Variants in NCAN observed in about 807,000 individuals in gnomAD.
NCAN encodes neurocan core protein.
NCAN carries 47 observed loss-of-function variants against 121.8 expected under a neutral mutation model. That is an observed-to-expected ratio of 0.39 (90% confidence interval 0.31 to 0.49). The LOEUF (loss-of-function observed/expected upper bound fraction) is 0.49. Ranked by LOEUF, NCAN falls within the 20% of genes least tolerant of loss-of-function variation. The pLI, the probability that NCAN is intolerant of heterozygous loss-of-function variation, is 0.92. For synonymous variants in NCAN, 633 were observed against 702.0 expected, an observed-to-expected ratio of 0.90 and a Z score of 1.55; for missense variants, 1,517 against 1,773.4, an observed-to-expected ratio of 0.86 and a Z score of 2.60.
chr19:19,216,976 C>T lies in NCAN; in HGVS notation c.23C>T (p.Ala8Val). 4 of 1,312,106 alleles carry T rather than the reference C, an allele frequency of 3.0e-6. No individual in the cohort carries two copies. Among genetic ancestry groups the T allele is most frequent in the Non-Finnish European group, 3.9e-6 (4 of 1,021,196 alleles). The allele number at this position is 1,312,106 out of a possible 1,614,324, so 81.3% of individuals were successfully genotyped here. The change falls in exon 2 of 15, where the codon GCC becomes GTC. Residue 8 changes from alanine (A) to valine (V), a missense_variant. Transcript: ENST00000252575. ...AGGATGGGGGCCCCGTTTGTCTGGG[C>T]CTTGGGCCTTTTGATGCTGCAGATG... MGAPFVWALGLLMLQMLL... is the reference protein window; with the variant it reads MGAPFVWVLGLLMLQMLL...
intron 13 of NCAN, among the ~76,000 whole-genome samples, chr19:19,248,002 G>A (rs552185717): frequency 2.0e-5 from 3 of 152,158 alleles, no homozygotes; most frequent in Admixed American, 6.5e-5. Flanking sequence ...CAAAAAATTA[G>A]CTAGGCTCGG....
At position 19,212,748 on chromosome 19, in the gene NCAN, C is replaced by T. The variant is rs1254188306; in HGVS notation, c.-8+684C>T. ...TGGGTTGAGGTGTTGTCCCTTATCC[C>T]AGGGAACACACTGGGTGTCCCAGGT... On this transcript the variant is annotated intron_variant, in intron 1 of 14. Coordinates refer to ENST00000252575, the MANE Select transcript of NCAN (RefSeq NM_004386.3). This position sits in a 1 kb window ranked among gnomAD's most constrained non-coding sequence, Gnocchi z 4.5. 6.6e-6 allele frequency among the ~76,000 whole-genome samples: 1 copy of T among 152,186 alleles called. No homozygotes were observed. Among genetic ancestry groups the T allele is most frequent in the Non-Finnish European group, 1.5e-5 (1 of 68,016 alleles).
rs1056078867 is a variant in NCAN at position 19,219,602 on chromosome 19, G to A, written c.475+286G>A. Among the ~76,000 whole-genome samples the A allele has an allele frequency of 9.3e-5, 12 of 128,944 alleles. 1 individual carries two copies. In the Admixed American group the frequency reaches 1.2e-3, roughly 13 times the overall value. 84.6% of individuals were successfully genotyped at this position (128,944 alleles called of 152,430 possible). A position where few individuals can be genotyped will look rare whatever the true frequency, so the allele number is the denominator to read the frequency against. ...CCAGCTACTTGGGAGGCATAGGTGG[G>A]AGGATCACTTGAGACTGGGAGGTTG... On this transcript the variant is annotated intron_variant, in intron 3 of 14. Coordinates refer to ENST00000252575, the MANE Select transcript of NCAN (RefSeq NM_004386.3).
At chr19:19,217,181 C>G in intron 2 of NCAN, among the ~76,000 whole-genome samples, 155 bp downstream of exon 2, 1 of 152,190 alleles carries the variant, frequency 6.6e-6, no homozygotes, top group South Asian at 2.1e-4. Flanking sequence ...CAGTCAAAAG[C>G]GAACAGGATA....
chr19:19,249,726 A>G, intron 14 of NCAN, 40 bp from the exon 15 acceptor site: 1 of 1,554,934 alleles, frequency 6.4e-7, no homozygotes, highest in Non-Finnish European at 8.7e-7. Flanking sequence ...GCCTCTCACC[A>G]CCTTTTGTCC....
intron 8 of NCAN, 64 bp downstream of exon 8, chr19:19,228,703 G>T: frequency 6.6e-7 from 1 of 1,509,648 alleles, no homozygotes; most frequent in East Asian, 2.3e-5. Context: ...AGCAGGGGCT[G>T]GGGGATCCCA....
At chr19:19,214,265 C>T (rs2060788072) in intron 1 of NCAN, among the ~76,000 whole-genome samples, 1 of 152,154 alleles carries the variant, frequency 6.6e-6, no homozygotes, top group Non-Finnish European at 1.5e-5. Context: ...TCCGAGCTGC[C>T]CCTCCTCCAG....
At chr19:19,238,204 G>C in intron 10 of NCAN, 49 bp from the exon 11 acceptor site, 1 of 1,611,480 alleles carries the variant, frequency 6.2e-7, no homozygotes, top group Non-Finnish European at 8.5e-7. Flanking sequence ...TGGCTGGTAG[G>C]CCTTGGGCCA....
At position 19,219,022 on chromosome 19, in the gene NCAN, T is replaced by C; in HGVS notation, c.181T>C (p.Phe61Leu). ...GGAGCTGGTGGCCCTGCCCTGTCTCTTTACCCTGCAGCCACGGCCAAGCGC... is the reference window on the plus strand; with the variant it reads ...GGAGCTGGTGGCCCTGCCCTGTCTCCTTACCCTGCAGCCACGGCCAAGCGC... ...LAELVALPCLFTLQPRPSAAR... is the reference protein window; with the variant it reads ...LAELVALPCLLTLQPRPSAAR... The change falls in exon 3 of 15, where the codon TTT (phenylalanine) becomes CTT (leucine). Residue 61 changes from phenylalanine to leucine, a missense_variant. Phe to Leu is a conservative substitution (Grantham distance 22). Transcript: ENST00000252575. 1 of 1,610,886 alleles carries C rather than the reference T, an allele frequency of 6.2e-7. No homozygotes were observed. The highest frequency in any genetic ancestry group is 8.5e-7 in the Non-Finnish European group (1 of 1,178,190).
chr19:19,250,523 A>G lies in NCAN; in HGVS notation c.*612A>G, dbSNP rs2060942868. On this transcript the variant is annotated 3_prime_UTR_variant, in exon 15 of 15. Transcript: ENST00000252575. ...GCATTTTAGGGATGTTTTTAGGACAACCTCCCTCCATGCCTTCAGAGTTAG... is the reference window on the plus strand; with the variant it reads ...GCATTTTAGGGATGTTTTTAGGACAGCCTCCCTCCATGCCTTCAGAGTTAG... 4.1e-6 allele frequency: 1 copy of G among 245,372 alleles called. No homozygotes were observed. Among genetic ancestry groups the G allele is most frequent in the East Asian group, 1.1e-4 (1 of 9,522 alleles). The allele number at this position is 245,372 out of a possible 1,614,324, so 15.2% of individuals were successfully genotyped here.
At chr19:19,219,664 C>T (rs1269569926) in intron 3 of NCAN, among the ~76,000 whole-genome samples, 1 of 57,134 alleles carries the variant, frequency 1.8e-5, no homozygotes, top group Non-Finnish European at 2.9e-5. Flanking sequence ...CAGAGGGAGA[C>T]CCTGTCACAA....
chr19:19,240,196 T>G lies in NCAN; in HGVS notation c.3410-407T>G, dbSNP rs573571824. Among the ~76,000 whole-genome samples, 8 of 147,302 alleles carry G rather than the reference T, an allele frequency of 5.4e-5. No individual in the cohort carries two copies. The South Asian group carries it at 1.5e-3, about 28-fold the overall frequency. The stretch of plus-strand genomic sequence containing the variant: ...CCCCCTCATCTCTCTCCTTCTCCCT[T>G]CCTTCCCCCTTCCCTTCTCCAGCTC... On this transcript the variant is annotated intron_variant, in intron 11 of 14. Coordinates refer to ENST00000252575, the MANE Select transcript of NCAN (RefSeq NM_004386.3).
At chr19:19,240,709 T>G in intron 12 of NCAN, 24 bp downstream of exon 12, 1 of 1,611,062 alleles carries the variant, frequency 6.2e-7, no homozygotes, top group Non-Finnish European at 8.5e-7. Flanking sequence ...GCTGCGGGCC[T>G]AGGCTGCTGA....
At chr19:19,222,408 A>C (rs1244428925) in intron 3 of NCAN, among the ~76,000 whole-genome samples, 1 of 152,102 alleles carries the variant, frequency 6.6e-6, no homozygotes, top group Non-Finnish European at 1.5e-5. Context: ...CCTCTGGAGT[A>C]GCTGGGATTA....
At chr19:19,235,671 G>A (rs1369087877) in intron 10 of NCAN, among the ~76,000 whole-genome samples, 1 of 146,558 alleles carries the variant, frequency 6.8e-6, no homozygotes, top group African/African-American at 2.5e-5. Context: ...CCAACTCCCT[G>A]GTCCAAGTGA....
Position 19,233,897 on chromosome 19 carries a change from G to A in NCAN, c.3128G>A (p.Cys1043Tyr). ...SCDQGFAGEN[C>Y]EIDIDDCLCS... is the part of the protein sequence containing the mutation. ...GATCAGGGCTTCGCCGGGGAGAACT[G>A]TGAGATTGGTGAGTACCCCAGACTC... The change falls in exon 9 of 15, where the codon TGT (cysteine) becomes TAT (tyrosine). Residue 1043 changes from cysteine to tyrosine, a missense_variant. Transcript: ENST00000252575. 1.3e-6 allele frequency: 2 copies of A among 1,595,468 alleles called. No individual in the cohort carries two copies. Among genetic ancestry groups the A allele is most frequent in the Non-Finnish European group, 1.7e-6 (2 of 1,163,092 alleles).
chr19:19,224,289 TC>T lies in NCAN; in HGVS notation c.651-13del. Reference sequence around the variant, plus strand: ...AGGAGCACACATCTGAGAGGGACCCTCCCCTTGTGTTGTCAGGTATCCTATC... The same window carrying T: ...AGGAGCACACATCTGAGAGGGACCCTCCCTTGTGTTGTCAGGTATCCTATC... On this transcript the variant is annotated splice_polypyrimidine_tract_variant and intron_variant, in intron 4 of 14. Transcript: ENST00000252575. 10 of 1,609,670 alleles carry T rather than the reference TC, an allele frequency of 6.2e-6. No individual in the cohort carries two copies. The highest frequency in any genetic ancestry group is 8.5e-6 in the Non-Finnish European group (10 of 1,176,708).
chr19:19,240,540 C>G (rs2060899519), intron 11 of NCAN, 63 bp from the exon 12 acceptor site: 1 of 1,544,492 alleles, frequency 6.5e-7, no homozygotes, highest in Non-Finnish European at 9.0e-7. Context: ...TCACCTGCAG[C>G]CTGTGCCCTG....
chr19:19,218,868 G>T, intron 2 of NCAN, 47 bp from the exon 3 acceptor site: 1 of 1,445,362 alleles, frequency 6.9e-7, no homozygotes, highest in South Asian at 1.6e-5. Context: ...GTCCCTGCTT[G>T]GTTCTTGCCT....
Sources: allele counts gnomAD v4.1 joint callset (sites outside exome capture counted in the v4.1 genomes callset), GRCh38; gene constraint gnomAD v4.1.1; non-coding constraint Gnocchi (gnomAD v3.1); transcripts MANE v1.5; gene names NCBI Gene and HGNC (gene_info 2026-07-23, HGNC 2026-07-21).